Variants in TTL observed in about 807,000 individuals in gnomAD.
TTL encodes the protein tubulin tyrosine ligase.
Under a neutral mutation model 41.1 loss-of-function variants are expected in TTL, and 10 were observed. The ratio of observed to expected loss-of-function variants is 0.24; its 90% CI spans 0.15 to 0.41. The LOEUF (loss-of-function observed/expected upper bound fraction) is 0.41, where lower values mean the gene tolerates loss of function less well. Among genes scored for constraint, TTL ranks in the 10% least tolerant of loss-of-function variants. The pLI is 1.00. For synonymous variants in TTL, 175 were observed against 175.5 expected (o/e 1.00, Z 0.02); for missense variants, 367 against 460.4 (o/e 0.80, Z 1.86).
At position 112,534,394 on chromosome 2, in the gene TTL, T is replaced by TGTACCCTATTCCCACTCCCCC. The variant is rs927970399; in HGVS notation, c.*5600_*5620dup. 2.6e-5 allele frequency: 4 copies of TGTACCCTATTCCCACTCCCCC among 151,058 alleles called. No individual in the cohort carries two copies. The highest frequency in any genetic ancestry group is 9.8e-5 in the African/African-American group (4 of 40,916). 9.4% of individuals were successfully genotyped at this position (151,058 alleles called of 1,614,324 possible). ...AAAAGCAAGCTTTCTGACATTTTAA[T>TGTACCCTATTCCCACTCCCCC]GTACCCTATTCCCACTCCCCCTTTC... On this transcript the variant is annotated 3_prime_UTR_variant, in exon 7 of 7. Coordinates refer to ENST00000233336, the MANE Select transcript of TTL (RefSeq NM_153712.5).
chr2:112,514,474 G>A (rs1056949051), intron 5 of TTL, among the ~76,000 whole-genome samples: 1 of 151,398 alleles, frequency 6.6e-6, no homozygotes, highest in African/African-American at 2.4e-5. Context: ...TTGTCTTTTT[G>A]TTTTTAAGGA....
chr2:112,498,733 G>T (rs1681605535), intron 3 of TTL, among the ~76,000 whole-genome samples: 1 of 150,848 alleles, frequency 6.6e-6, no homozygotes, highest in Non-Finnish European at 1.5e-5. Flanking sequence ...GTGAAACCCT[G>T]TTCCTACTAA....
rs562237068 is a variant in TTL, at chr2:112,531,387, GT to G, written c.*2595del. The G allele has an allele frequency of 8.4e-4, 192 of 228,410 alleles. No individual in the cohort carries two copies. The highest frequency in any genetic ancestry group is 4.0e-3 in the African/African-American group (180 of 45,162). 14.1% of individuals were successfully genotyped at this position (228,410 alleles called of 1,614,324 possible). A position where few individuals can be genotyped will look rare whatever the true frequency, so the allele number is the denominator to read the frequency against. On this transcript the variant is annotated 3_prime_UTR_variant, in exon 7 of 7. Coordinates refer to ENST00000233336, the MANE Select transcript of TTL (RefSeq NM_153712.5). ...AGCCTGTTAACCTCTCTGTGCCTTA[GT>G]TTCTTAGCCCATGAAAGAGATCATT... is the stretch of plus-strand genomic sequence containing the variant.
At chr2:112,485,885 T>G in intron 1 of TTL, 32 bp from the exon 2 acceptor site, 1 of 1,563,482 alleles carries the variant, frequency 6.4e-7, no homozygotes. Context: ...CTGTGTCCTG[T>G]GTCCCTTCTG....
intron 6 of TTL, chr2:112,521,456 C>A: frequency 2.7e-6 from 2 of 727,676 alleles, no homozygotes; most frequent in Non-Finnish European, 3.4e-6. Context: ...AAGACCCTTT[C>A]GTGGTTCCCA....
Position 112,503,074 on chromosome 2 carries a change from T to C in TTL, c.768T>C (p.Tyr256=). 6.2e-7 allele frequency: 1 copy of C among 1,613,966 alleles called. No individual in the cohort carries two copies. The highest frequency in any genetic ancestry group is 1.1e-5 in the South Asian group (1 of 91,082). ...QKEYSKNYGK[Y]EEGNEMFFKE... is the part of the protein sequence containing the mutation. ...AGTATTCAAAGAACTACGGGAAGTA[T>C]GAAGAAGGAAATGAAATGTTCTTCA... Residue 256 remains tyrosine, a synonymous_variant, in exon 5 of 7, where the codon TAT becomes TAC. Coordinates refer to ENST00000233336, the MANE Select transcript of TTL (RefSeq NM_153712.5).
intron 3 of TTL, among the ~76,000 whole-genome samples, chr2:112,499,664 C>G (rs1681638907): frequency 6.6e-6 from 1 of 152,130 alleles, no homozygotes; most frequent in South Asian, 2.1e-4. Flanking sequence ...TATGAAACAC[C>G]TCATTAGAGG....
intron 2 of TTL, among the ~76,000 whole-genome samples, chr2:112,490,910 A>G (rs946386319): frequency 5.9e-5 from 9 of 152,224 alleles, no homozygotes; most frequent in East Asian, 5.8e-4. Flanking sequence ...CTGAAGTCCT[A>G]TCTGTCATGA....
intron 5 of TTL, among the ~76,000 whole-genome samples, chr2:112,518,714 A>C (rs1266817444): frequency 7.0e-6 from 1 of 142,804 alleles, no homozygotes; most frequent in African/African-American, 2.6e-5. Flanking sequence ...TTGCTCTTTC[A>C]CCCAGGCTGG....
chr2:112,526,568 T>A (rs1447108949), intron 6 of TTL, among the ~76,000 whole-genome samples: 2 of 152,168 alleles, frequency 1.3e-5, no homozygotes, highest in African/African-American at 4.8e-5. Context: ...TTCTAGTTTA[T>A]TTGTGTAGAG....
At position 112,507,517 on chromosome 2, in the gene TTL, AT is replaced by A. The variant is rs1395616703; in HGVS notation, c.875+4337del. On this transcript the variant is annotated intron_variant, in intron 5 of 6. Transcript: ENST00000233336. ...GGGTGCTCCTGTATTGGGTGCATAA[AT>A]ATTTAGGATAGTTAGCTCCTCTTGT... Among the ~76,000 whole-genome samples, 7 of 98,494 alleles carry A rather than the reference AT, an allele frequency of 7.1e-5. 1 individual carries two copies. The highest frequency in any genetic ancestry group is 2.5e-4 in the African/African-American group (6 of 24,112). The allele number at this position is 98,494 out of a possible 152,430, so 64.6% of individuals were successfully genotyped here. A position where few individuals can be genotyped will look rare whatever the true frequency, so the allele number is the denominator to read the frequency against.
At chr2:112,520,245 C>T in intron 5 of TTL, 37 bp from the exon 6 acceptor site, 2 of 1,610,198 alleles carry the variant, frequency 1.2e-6, no homozygotes, top group Non-Finnish European at 1.7e-6. Flanking sequence ...CCTTTGACCA[C>T]CCCGTTCTAA....
At chr2:112,518,420 A>G (rs530012207) in intron 5 of TTL, among the ~76,000 whole-genome samples, 1 of 151,654 alleles carries the variant, frequency 6.6e-6, no homozygotes, top group African/African-American at 2.4e-5. Context: ...TTTTTAAATG[A>G]CTCATCTTAA....
intron 6 of TTL, among the ~76,000 whole-genome samples, chr2:112,523,999 G>A (rs1216597830): frequency 1.3e-5 from 2 of 152,048 alleles, no homozygotes; most frequent in Non-Finnish European, 2.9e-5. Flanking sequence ...CTACGTCCAA[G>A]TGGTCTCATT....
chr2:112,514,863 C>G (rs1368790601), intron 5 of TTL, among the ~76,000 whole-genome samples: 1 of 152,152 alleles, frequency 6.6e-6, no homozygotes, highest in Non-Finnish European at 1.5e-5. Flanking sequence ...CACTGTTTCT[C>G]ACACTTTTAT....
chr2:112,525,986 T>C (rs1395308130), intron 6 of TTL, among the ~76,000 whole-genome samples: 1 of 152,234 alleles, frequency 6.6e-6, no homozygotes, highest in Non-Finnish European at 1.5e-5. Flanking sequence ...ATTGAGAGTT[T>C]TTAGCATGAA....
In TTL at chr2:112,538,095, C is replaced by G. The variant is rs1682630918; in HGVS notation, c.*9300C>G. On this transcript the variant is annotated 3_prime_UTR_variant, in exon 7 of 7. Coordinates refer to ENST00000233336, the MANE Select transcript of TTL (RefSeq NM_153712.5). ...ATTTCTGTATTAATGAAGAAATATACAAGTAAAGAGGTTGGACTAATAATA... is the reference window on the plus strand; with the variant it reads ...ATTTCTGTATTAATGAAGAAATATAGAAGTAAAGAGGTTGGACTAATAATA... 6.6e-6 allele frequency: 1 copy of G among 152,116 alleles called. No individual in the cohort carries two copies. The highest frequency in any genetic ancestry group is 1.9e-4 in the East Asian group (1 of 5,204). 9.4% of individuals were successfully genotyped at this position (152,116 alleles called of 1,614,324 possible).
chr2:112,510,093 C>T (rs1384832258), intron 5 of TTL, among the ~76,000 whole-genome samples: 19 of 152,016 alleles, frequency 1.2e-4, no homozygotes, highest in Admixed American at 1.2e-3. Flanking sequence ...CTTCCTTTTG[C>T]TTTTTGGAGG....
chr2:112,501,713 C>T (rs1289797322), intron 4 of TTL, among the ~76,000 whole-genome samples: 1 of 151,758 alleles, frequency 6.6e-6, no homozygotes, highest in Non-Finnish European at 1.5e-5. Context: ...AGTAAAAATA[C>T]AAAATTAGCC....
Sources: gnomAD v4.1 joint callset for allele counts (sites outside exome capture counted in the v4.1 genomes callset) on GRCh38, gnomAD v4.1.1 for gene constraint, MANE v1.5 for transcripts, NCBI Gene and HGNC (gene_info 2026-07-23, HGNC 2026-07-21) for gene names.